Variants in ATG5 observed in about 807,000 individuals in gnomAD.
ATG5 encodes the protein autophagy protein 5.
In ATG5, 14 loss-of-function variants were observed where a neutral mutation model predicts 36.5. The ratio of observed to expected loss-of-function variants is 0.38; its 90% confidence interval spans 0.25 to 0.60. The LOEUF (loss-of-function observed/expected upper bound fraction) is 0.60, where lower values mean the gene tolerates loss of function less well. Among genes scored for constraint, ATG5 ranks in the 20% least tolerant of loss-of-function variants. The pLI is 0.60. For missense variants in ATG5, 195 were observed against 326.7 expected (o/e 0.60, Z 3.11); for synonymous variants, 95 against 101.5 (o/e 0.94, Z 0.38).
chr6:106,278,752 A>G (rs1157669613), intron 5 of ATG5, among the ~76,000 whole-genome samples: 1 of 152,136 alleles, frequency 6.6e-6, no homozygotes, highest in East Asian at 1.9e-4. Context: ...ACATGGGCTT[A>G]TTGCTGGAGA....
At chr6:106,271,915 C>G (rs1394034107) in intron 5 of ATG5, among the ~76,000 whole-genome samples, 1 of 152,192 alleles carries the variant, frequency 6.6e-6, no homozygotes, top group Non-Finnish European at 1.5e-5. Context: ...CACTTTAGTG[C>G]CTTTGCTCTT....
intron 6 of ATG5, among the ~76,000 whole-genome samples, chr6:106,220,753 T>C (rs1272272635): frequency 1.6e-4 from 25 of 152,068 alleles, no homozygotes. Flanking sequence ...GAAAATCACT[T>C]ATGAGAAGAA....
chr6:106,207,015 C>T (rs952452851), intron 6 of ATG5, among the ~76,000 whole-genome samples: 1 of 152,168 alleles, frequency 6.6e-6, no homozygotes, highest in Non-Finnish European at 1.5e-5. Flanking sequence ...CAGGAATATA[C>T]CACAATACCT....
At chr6:106,199,436 T>C (rs924760636) in intron 7 of ATG5, among the ~76,000 whole-genome samples, 5 of 152,148 alleles carry the variant, frequency 3.3e-5, no homozygotes, top group Admixed American at 2.0e-4. Context: ...AAATACATAA[T>C]GTTAAGTGGA....
intron 6 of ATG5, among the ~76,000 whole-genome samples, chr6:106,241,223 A>G (rs1028518809): frequency 5.9e-5 from 9 of 152,222 alleles, no homozygotes; most frequent in Non-Finnish European, 1.3e-4. Context: ...AAATGGGCAA[A>G]GGACTTGAAT....
At chr6:106,231,921 C>A (rs1176330465) in intron 6 of ATG5, among the ~76,000 whole-genome samples, 1 of 152,130 alleles carries the variant, frequency 6.6e-6, no homozygotes, top group African/African-American at 2.4e-5. Context: ...CTAGGCAAAT[C>A]AAATGCCTAA....
intron 6 of ATG5, among the ~76,000 whole-genome samples, chr6:106,216,222 T>C (rs1454927642): frequency 1.3e-5 from 2 of 152,244 alleles, no homozygotes; most frequent in Middle Eastern, 3.4e-3. Flanking sequence ...GGAATTACCA[T>C]GCAACCCAGC....
At chr6:106,222,214 G>A (rs79973286) in intron 6 of ATG5, among the ~76,000 whole-genome samples, 3,154 of 152,118 alleles carry the variant, frequency 0.021, 98 homozygotes, top group African/African-American at 0.072. Context: ...TGTGGAGAGA[G>A]GTAAAGAAAA....
intron 5 of ATG5, among the ~76,000 whole-genome samples, chr6:106,250,619 C>T (rs1441366704): frequency 6.6e-6 from 1 of 152,222 alleles, no homozygotes; most frequent in African/African-American, 2.4e-5. Context: ...TTTCTACCAT[C>T]AAGTATCAAG....
At chr6:106,324,526 A>G (rs963042231) in intron 1 of ATG5, among the ~76,000 whole-genome samples, 2 of 152,122 alleles carry the variant, frequency 1.3e-5, no homozygotes, top group Admixed American at 1.3e-4. Context: ...GATGGCAGGG[A>G]TTTTTATTCT....
intron 5 of ATG5, among the ~76,000 whole-genome samples, chr6:106,254,398 G>C (rs1411710938): frequency 6.6e-6 from 1 of 152,160 alleles, no homozygotes; most frequent in East Asian, 1.9e-4. Flanking sequence ...TTCAGCCCTA[G>C]AAAGTTCTAC....
In ATG5 at chr6:106,263,454, G is replaced by A. The variant is rs1029850132; in HGVS notation, c.479-15210C>T. Among the ~76,000 whole-genome samples, 7 of 152,360 alleles carry A rather than the reference G, an allele frequency of 4.6e-5. No homozygotes were observed. In the South Asian group the frequency reaches 8.3e-4, roughly 18 times the overall value. On this transcript the variant is annotated intron_variant, in intron 5 of 7. Transcript: ENST00000369076. ...ATCATTCCTGCCTGCTGACTCTGAA[G>A]AGAGGAGCTGATCCTGACAAGACGG...
chr6:106,198,877 G>A (rs537590392), intron 7 of ATG5, among the ~76,000 whole-genome samples: 3 of 152,036 alleles, frequency 2.0e-5, no homozygotes, highest in African/African-American at 7.2e-5. Flanking sequence ...TAAAGAACTT[G>A]TATCCAGAAT....
intron 4 of ATG5, among the ~76,000 whole-genome samples, chr6:106,286,957 G>A (rs765509735): frequency 2.6e-5 from 4 of 152,200 alleles, no homozygotes; most frequent in Non-Finnish European, 5.9e-5. Flanking sequence ...CTAGGCAGAA[G>A]ATCCAGGTAT....
At chr6:106,277,509 C>T (rs1410457692) in intron 5 of ATG5, among the ~76,000 whole-genome samples, 3 of 152,152 alleles carry the variant, frequency 2.0e-5, no homozygotes, top group South Asian at 2.1e-4. Flanking sequence ...AAACTCTTAC[C>T]GTTGGTTATA....
chr6:106,189,709 TTAAAG>T (rs1470533526), intron 7 of ATG5, among the ~76,000 whole-genome samples: 1 of 151,630 alleles, frequency 6.6e-6, no homozygotes, highest in African/African-American at 2.4e-5. Context: ...CCTGATACTG[TTAAAG>T]TAAACAATAT....
intron 7 of ATG5, among the ~76,000 whole-genome samples, chr6:106,198,323 C>A (rs964032164): frequency 3.3e-5 from 5 of 152,104 alleles, no homozygotes; most frequent in Non-Finnish European, 7.4e-5. Context: ...AGGAAAGAGA[C>A]TTTTTACTAA....
At chr6:106,284,078 G>A (rs1041815005) in intron 4 of ATG5, among the ~76,000 whole-genome samples, 1 of 152,112 alleles carries the variant, frequency 6.6e-6, no homozygotes, top group Non-Finnish European at 1.5e-5. Context: ...TCAGCTGATG[G>A]ACATTGGGTT....
chr6:106,223,996 G>T (rs1012489519), intron 6 of ATG5, among the ~76,000 whole-genome samples: 3 of 152,164 alleles, frequency 2.0e-5, no homozygotes, highest in African/African-American at 7.2e-5. Context: ...AAGGTAGAAG[G>T]AAATGTTTCA....
Sources: gnomAD v4.1 joint callset for allele counts (sites outside exome capture counted in the v4.1 genomes callset) on GRCh38, gnomAD v4.1.1 for gene constraint, MANE v1.5 for transcripts, NCBI Gene and HGNC (gene_info 2026-07-23, HGNC 2026-07-21) for gene names.